EML6: variants seen among roughly 807,000 people sequenced by gnomAD.
EML6 encodes the protein EMAP like 6.
EML6 carries 154 observed loss-of-function variants against 240.1 expected under a neutral mutation model. That is an observed-to-expected ratio of 0.64 (90% CI 0.56 to 0.73). The LOEUF (loss-of-function observed/expected upper bound fraction) is 0.73, where lower values mean the gene tolerates loss of function less well. Ranked by LOEUF, EML6 falls within the 30% of genes least tolerant of loss-of-function variation. EML6 has a pLI of 0.00. For synonymous variants in EML6, 1,148 were observed against 899.0 expected (o/e 1.28, Z -4.95); for missense variants, 2,964 against 2,474.6 (o/e 1.20, Z -4.20).
rs1275680180 is a variant in EML6, at chr2:54,869,285, C to G, written c.2156C>G (p.Ser719Cys). 2 of 1,551,602 alleles carry G rather than the reference C, an allele frequency of 1.3e-6. No homozygotes were observed. The highest frequency in any genetic ancestry group is 1.2e-5 in the South Asian group (1 of 84,064). ...GTCGTGTATAATCGGCAGCAGCACT[C>G]CCAGAGGCTGTACCTGGGGCACGAT... ...VAVVYNRQQH[S>C]QRLYLGHDDD... Residue 719 changes from serine (S) to cysteine (C), a missense_variant, in exon 15 of 42, where the codon TCC (serine) becomes TGC (cysteine). Physicochemically the swap from Ser to Cys is moderately radical, Grantham distance 112 (BLOSUM62 -1). Coordinates refer to ENST00000356458, the MANE Select transcript of EML6 (RefSeq NM_001039753.4).
intron 2 of EML6, among the ~76,000 whole-genome samples, chr2:54,768,819 GT>G (rs923366564): frequency 9.5e-5 from 14 of 148,010 alleles, no homozygotes; most frequent in Middle Eastern, 3.4e-3. Context: ...TCTACTCAAA[GT>G]TTTTTTTTTA....
At position 54,871,625 on chromosome 2, in the gene EML6, A is replaced by G. The variant is rs1671259896; in HGVS notation, c.2344+20A>G. 2.0e-6 allele frequency: 3 copies of G among 1,494,350 alleles called. No homozygotes were observed. Among genetic ancestry groups the G allele is most frequent in the Non-Finnish European group, 2.7e-6 (3 of 1,094,586 alleles). The allele number at this position is 1,494,350 out of a possible 1,614,324, so 92.6% of individuals were successfully genotyped here. A position where few individuals can be genotyped will look rare whatever the true frequency, so the allele number is the denominator to read the frequency against. On this transcript the variant is annotated intron_variant, in intron 16 of 41. Coordinates refer to ENST00000356458, the MANE Select transcript of EML6 (RefSeq NM_001039753.4). ...TTTCAGGTAAGGTCCAGAGTGATTG[A>G]CACATGGTTCTACGTTGAGAGAGAG...
intron 14 of EML6, chr2:54,868,273 A>C (rs1261449390): frequency 6.6e-6 from 1 of 152,216 alleles, no homozygotes; most frequent in Non-Finnish European, 1.5e-5. Flanking sequence ...TATAGTTATT[A>C]GTAAAGTCGA....
chr2:54,932,579 G>C (rs1439207081), intron 28 of EML6, among the ~76,000 whole-genome samples: 1 of 151,950 alleles, frequency 6.6e-6, no homozygotes, highest in Non-Finnish European at 1.5e-5. Context: ...GTACTCTTTT[G>C]TCCATCTACA....
At position 54,847,498 on chromosome 2, in the gene EML6, G is replaced by C. The variant is rs1364509416; in HGVS notation, c.1062G>C (p.Leu354=). ...TTCTTGTGCCTAGGCTGTGGAGCCT[G>C]GCTGATCATGCCTTGATCGCCCGCT... ...SDDRSVRLWS[L]ADHALIARCN... is the part of the protein sequence containing the mutation. Residue 354 remains leucine (L), a synonymous_variant, in exon 9 of 42, where the codon CTG becomes CTC. Coordinates refer to ENST00000356458, the MANE Select transcript of EML6 (RefSeq NM_001039753.4). The C allele has an allele frequency of 6.4e-7, 1 of 1,551,576 alleles. No individual in the cohort carries two copies.
In EML6 at chr2:54,964,819, G is replaced by C; in HGVS notation, c.5493+86G>C. ...CCTATATTAATCGAGTCCTTACTGT[G>C]TACCAGGCAATGTGCTAACTCACTC... On this transcript the variant is annotated intron_variant, in intron 38 of 41. Transcript: ENST00000356458. 2.3e-6 allele frequency: 3 copies of C among 1,285,304 alleles called. No homozygotes were observed. The South Asian group carries it at 4.4e-5, about 19-fold the overall frequency. The allele number at this position is 1,285,304 out of a possible 1,614,324, so 79.6% of individuals were successfully genotyped here.
At chr2:54,932,102 A>C (rs925474847) in intron 28 of EML6, among the ~76,000 whole-genome samples, 1 of 152,216 alleles carries the variant, frequency 6.6e-6, no homozygotes, top group Non-Finnish European at 1.5e-5. Flanking sequence ...TATGATCTTC[A>C]GTTCTAATCT....
At chr2:54,945,306 C>T (rs931648960) in intron 28 of EML6, among the ~76,000 whole-genome samples, 5 of 140,390 alleles carry the variant, frequency 3.6e-5, no homozygotes, top group African/African-American at 8.1e-5. Context: ...TCTCTCCCCT[C>T]CCCCTCCCCT....
chr2:54,968,350 G>A (rs565891939), intron 40 of EML6, 69 bp downstream of exon 40: 24 of 1,390,074 alleles, frequency 1.7e-5, no homozygotes, highest in Admixed American at 9.9e-5. Flanking sequence ...TAGGGGCCAC[G>A]TCTAGATGGC....
chr2:54,793,051 T>C (rs1669542987), intron 2 of EML6, among the ~76,000 whole-genome samples: 1 of 152,214 alleles, frequency 6.6e-6, no homozygotes, highest in Admixed American at 6.5e-5. Flanking sequence ...GCAGATTGCA[T>C]GAGGCCAGGA....
chr2:54,836,073 G>A (rs1365408437), intron 7 of EML6, among the ~76,000 whole-genome samples: 3 of 152,136 alleles, frequency 2.0e-5, no homozygotes, highest in Non-Finnish European at 4.4e-5. Flanking sequence ...TTGCCCTTCA[G>A]CCTCACTGTT....
chr2:54,846,840 A>T (rs991522858), intron 8 of EML6, among the ~76,000 whole-genome samples: 4 of 152,180 alleles, frequency 2.6e-5, no homozygotes, highest in Non-Finnish European at 5.9e-5. Flanking sequence ...ACTTTTTAAC[A>T]TGTATGTGTG....
chr2:54,777,834 G>A (rs945093794), intron 2 of EML6, among the ~76,000 whole-genome samples: 3 of 152,074 alleles, frequency 2.0e-5, no homozygotes, highest in African/African-American at 4.8e-5. Context: ...CAAGATGTGG[G>A]TTATTTGAGA....
intron 7 of EML6, among the ~76,000 whole-genome samples, chr2:54,831,560 C>G (rs1278231547): frequency 2.6e-5 from 4 of 152,168 alleles, no homozygotes; most frequent in South Asian, 4.1e-4. Context: ...TTACCAAGAT[C>G]AAAGCACATC....
At chr2:54,858,417 G>T (rs756495221) in intron 11 of EML6, among the ~76,000 whole-genome samples, 34 of 152,342 alleles carry the variant, frequency 2.2e-4, no homozygotes, top group Non-Finnish European at 4.1e-4. Flanking sequence ...TAAAGGTCAA[G>T]GAAGCAAAGA....
intron 2 of EML6, among the ~76,000 whole-genome samples, chr2:54,730,840 A>G (rs1421393495): frequency 6.6e-6 from 1 of 152,212 alleles, no homozygotes; most frequent in Non-Finnish European, 1.5e-5. Context: ...TTTTACATCT[A>G]TAATGTGCCA....
chr2:54,826,848 G>C (rs960817888), intron 5 of EML6, among the ~76,000 whole-genome samples: 9 of 152,122 alleles, frequency 5.9e-5, no homozygotes, highest in Non-Finnish European at 1.2e-4. Context: ...CTTAAAGTTA[G>C]AAATTATTTC....
At chr2:54,877,176 G>T (rs548592250) in intron 16 of EML6, among the ~76,000 whole-genome samples, 1 of 152,036 alleles carries the variant, frequency 6.6e-6, no homozygotes, top group Non-Finnish European at 1.5e-5. Flanking sequence ...TAGAGAGTGG[G>T]TTTCCTCATG....
Position 54,863,784 on chromosome 2 carries a change from A to C in EML6, c.1827A>C (p.Glu609Asp). ...SNGMLETAPQ[E>D]GGADSYSEES... The stretch of plus-strand genomic sequence containing the variant: ...TTCTTGTGGGTTGTATCTCTGCAGA[A>C]GGTGGAGCTGATTCCTACAGTGAAG... The change falls in exon 13 of 42, where the codon GAA becomes GAC. Residue 609 changes from glutamate (E) to aspartate (D), a missense_variant and splice_region_variant. By Grantham distance (45) the Glu-to-Asp change is conservative. Coordinates refer to ENST00000356458, the MANE Select transcript of EML6 (RefSeq NM_001039753.4). The C allele has an allele frequency of 6.5e-7, 1 of 1,526,832 alleles. No individual in the cohort carries two copies. The highest frequency in any genetic ancestry group is 8.9e-7 in the Non-Finnish European group (1 of 1,125,820). The allele number at this position is 1,526,832 out of a possible 1,614,324, so 94.6% of individuals were successfully genotyped here.
Sources: gnomAD v4.1 joint callset for allele counts (sites outside exome capture counted in the v4.1 genomes callset) on GRCh38, gnomAD v4.1.1 for gene constraint, MANE v1.5 for transcripts, NCBI Gene and HGNC (gene_info 2026-07-23, HGNC 2026-07-21) for gene names.